The following PTPN4 variants were observed in gnomAD, a reference collection of about 807,000 sequenced individuals.
The protein encoded by PTPN4 is tyrosine-protein phosphatase non-receptor type 4.
A neutral mutation model predicts 135.5 loss-of-function variants in PTPN4; 49 were observed. That is an observed-to-expected ratio of 0.36 (90% CI 0.29 to 0.46). The LOEUF (loss-of-function observed/expected upper bound fraction) is 0.46, where lower values mean the gene tolerates loss of function less well. PTPN4 is among the 20% of genes least tolerant of loss of function. The pLI, the probability that PTPN4 is intolerant of heterozygous loss-of-function variation, is 1.00. For missense variants in PTPN4, 860 were observed against 1,101.0 expected, an observed-to-expected ratio of 0.78 and a Z score of 3.10; for synonymous variants, 333 against 369.9, an observed-to-expected ratio of 0.90 and a Z score of 1.14.
intron 3 of PTPN4, 114 bp from the exon 4 acceptor site, chr2:119,877,209 C>T: frequency 8.8e-7 from 1 of 1,131,200 alleles, no homozygotes. Flanking sequence ...CCTACCTGGG[C>T]CTTTTCTGAA....
intron 1 of PTPN4, among the ~76,000 whole-genome samples, chr2:119,802,766 G>T (rs1055142432): frequency 2.6e-5 from 4 of 152,132 alleles, no homozygotes; most frequent in Admixed American, 6.5e-5. Flanking sequence ...CTGCTTTCTG[G>T]AAGAGATCAT....
intron 11 of PTPN4, chr2:119,916,265 G>A (rs1390271405): frequency 6.6e-6 from 1 of 151,938 alleles, no homozygotes; most frequent in Non-Finnish European, 1.5e-5. Context: ...CAGCTACTTG[G>A]AAGGCTGAGG....
chr2:119,917,738 A>G (rs1678675465), intron 11 of PTPN4, among the ~76,000 whole-genome samples: 4 of 152,222 alleles, frequency 2.6e-5, no homozygotes, highest in Admixed American at 2.6e-4. Flanking sequence ...CAAAAAAAAC[A>G]AAAGAAAAAA....
At chr2:119,958,287 T>G (rs758396360) in intron 22 of PTPN4, among the ~76,000 whole-genome samples, 1 of 145,988 alleles carries the variant, frequency 6.8e-6, no homozygotes, top group Non-Finnish European at 1.5e-5. Context: ...CAGTGAGCCA[T>G]GATCACATGA....
chr2:119,896,945 G>A (rs1678332977), intron 9 of PTPN4, among the ~76,000 whole-genome samples: 1 of 152,132 alleles, frequency 6.6e-6, no homozygotes, highest in Non-Finnish European at 1.5e-5. Flanking sequence ...TTTTGAAACA[G>A]GGTCTCACTC....
intron 1 of PTPN4, among the ~76,000 whole-genome samples, chr2:119,764,069 A>G (rs1309873382): frequency 6.6e-6 from 1 of 152,216 alleles, no homozygotes; most frequent in African/African-American, 2.4e-5. Flanking sequence ...AATATTCACA[A>G]GCATTATGTC....
chr2:119,851,408 C>G (rs1051198891), intron 2 of PTPN4, among the ~76,000 whole-genome samples: 1 of 152,028 alleles, frequency 6.6e-6, no homozygotes, highest in South Asian at 2.1e-4. Context: ...TGGAAGAGAC[C>G]CAAGTGGGCA....
intron 2 of PTPN4, among the ~76,000 whole-genome samples, chr2:119,842,646 CG>C (rs2104971323): frequency 6.6e-6 from 1 of 152,116 alleles, no homozygotes; most frequent in East Asian, 1.9e-4. Context: ...TGTTTTGTTT[CG>C]TTTTTTTCTT....
chr2:119,918,296 C>T (rs1410057887), intron 11 of PTPN4, among the ~76,000 whole-genome samples: 3 of 152,010 alleles, frequency 2.0e-5, no homozygotes, highest in East Asian at 1.9e-4. Context: ...TTTCTTTAAC[C>T]GGACATAGAA....
chr2:119,869,186 G>C (rs950977313), intron 3 of PTPN4, among the ~76,000 whole-genome samples: 2 of 152,168 alleles, frequency 1.3e-5, no homozygotes, highest in African/African-American at 4.8e-5. Flanking sequence ...TACAGAACAA[G>C]CTAAACTGAC....
intron 15 of PTPN4, among the ~76,000 whole-genome samples, chr2:119,939,873 G>T (rs1244496991): frequency 2.6e-5 from 4 of 152,126 alleles, no homozygotes; most frequent in Admixed American, 6.5e-5. Context: ...CTAGGACAAG[G>T]AAGTAAAAAA....
At chr2:119,973,680 T>TTTTTTTTTTTTTTTTTTTTA (rs1679572404) in intron 26 of PTPN4, among the ~76,000 whole-genome samples, 1 of 132,958 alleles carries the variant, frequency 7.5e-6, no homozygotes, top group Non-Finnish European at 1.7e-5. Context: ...TTTTTTTTTT[T>TTTTTTTTTTTTTTTTTTTTA]TTGGTAATTT....
At chr2:119,760,530 AAAACAAACAAAC>A in intron 1 of PTPN4, 146 bp downstream of exon 1, 1 of 377,884 alleles carries the variant, frequency 2.6e-6, no homozygotes, top group Non-Finnish European at 4.7e-6. Context: ...AAAAAGGACA[AAAACAAACAAAC>A]AAACAAACAA....
chr2:119,847,326 A>ATTT (rs1303611735), intron 2 of PTPN4, among the ~76,000 whole-genome samples: 12 of 111,526 alleles, frequency 1.1e-4, no homozygotes, highest in African/African-American at 3.8e-4. Context: ...ATATATATAT[A>ATTT]TATTTTTTTT....
intron 2 of PTPN4, among the ~76,000 whole-genome samples, chr2:119,811,691 C>G (rs1034953018): frequency 7.9e-5 from 12 of 151,924 alleles, no homozygotes; most frequent in African/African-American, 2.9e-4. Flanking sequence ...TTAAATTTAG[C>G]TACTATTTAG....
chr2:119,805,268 G>A (rs936370526), intron 1 of PTPN4, among the ~76,000 whole-genome samples: 1 of 152,110 alleles, frequency 6.6e-6, no homozygotes, highest in Non-Finnish European at 1.5e-5. Context: ...TTCTTTTGCT[G>A]TGCAGAAGTT....
rs1679296723 is a variant in PTPN4 at position 119,956,918 on chromosome 2, C to T, written c.2055C>T (p.Tyr685=). 10 of 1,606,896 alleles carry T rather than the reference C, an allele frequency of 6.2e-6. No individual in the cohort carries two copies. In the Admixed American group the frequency reaches 6.8e-5, roughly 11 times the overall value. The part of the protein sequence containing the change: ...KLPQNISKNR[Y]RDISPYDATR... The stretch of plus-strand genomic sequence containing the variant: ...CTCAGAATATTTCCAAAAATAGATA[C>T]AGAGATATTTCGCCTTGTAAGTATC... The change falls in exon 21 of 27, where the codon TAC becomes TAT. Residue 685 remains tyrosine, a synonymous_variant. Transcript: ENST00000263708.
At chr2:119,915,332 G>A (rs759306175) in intron 11 of PTPN4, 90 bp downstream of exon 11, 61 of 1,092,234 alleles carry the variant, frequency 5.6e-5, no homozygotes, top group Non-Finnish European at 7.4e-5. Flanking sequence ...TAGTACAAGT[G>A]AAAGTGCAAT....
At chr2:119,813,751 C>T (rs368288641) in intron 2 of PTPN4, among the ~76,000 whole-genome samples, 13 of 152,082 alleles carry the variant, frequency 8.5e-5, no homozygotes, top group African/African-American at 2.9e-4. Context: ...GAAATGTTGC[C>T]GTGGACTTAC....
Sources: allele counts gnomAD v4.1 joint callset (sites outside exome capture counted in the v4.1 genomes callset), GRCh38; gene constraint gnomAD v4.1.1; transcripts MANE v1.5; gene names NCBI Gene and HGNC (gene_info 2026-07-23, HGNC 2026-07-21).